Variants in ASAP1 observed in about 807,000 individuals in gnomAD.
ASAP1 encodes ArfGAP with SH3 domain, ankyrin repeat and PH domain 1.
ASAP1 carries 43 observed loss-of-function variants against 145.2 expected under a neutral mutation model. That is an observed-to-expected ratio of 0.30 (90% confidence interval 0.23 to 0.38). The LOEUF (loss-of-function observed/expected upper bound fraction) is 0.38, where lower values mean the gene tolerates loss of function less well. ASAP1 is among the 10% of genes least tolerant of loss of function. ASAP1 has a pLI of 1.00. For synonymous variants in ASAP1, 546 were observed against 515.5 expected (o/e 1.06, Z -0.80); for missense variants, 1,018 against 1,355.3 (o/e 0.75, Z 3.91).
At chr8:130,095,453 A>G (rs2097515498) in intron 24 of ASAP1, among the ~76,000 whole-genome samples, 1 of 151,272 alleles carries the variant, frequency 6.6e-6, no homozygotes. Flanking sequence ...GATGTGTGCC[A>G]CCACGTCTGG....
intron 12 of ASAP1, among the ~76,000 whole-genome samples, chr8:130,154,863 A>C (rs142457110): frequency 3.9e-5 from 6 of 152,318 alleles, no homozygotes; most frequent in African/African-American, 1.4e-4. Context: ...CTCAAATAAG[A>C]GCTAAATCAC....
chr8:130,431,115 G>T (rs1256854426), intron 1 of ASAP1, among the ~76,000 whole-genome samples: 1 of 152,082 alleles, frequency 6.6e-6, no homozygotes, highest in African/African-American at 2.4e-5. Context: ...CAGTGTCATG[G>T]CTCTCTCTCT....
chr8:130,287,610 C>T (rs1054968814), intron 3 of ASAP1, among the ~76,000 whole-genome samples: 1 of 152,130 alleles, frequency 6.6e-6, no homozygotes, highest in South Asian at 2.1e-4. Flanking sequence ...CCAAGGAAGG[C>T]GAGTTCTGTG....
chr8:130,180,980 T>C, intron 7 of ASAP1, 100 bp from the exon 8 acceptor site: 2 of 1,088,242 alleles, frequency 1.8e-6, no homozygotes, highest in Non-Finnish European at 2.6e-6. Flanking sequence ...GGGGTGACGA[T>C]GTGTCTATGT....
At chr8:130,344,880 G>T (rs1258012466) in intron 3 of ASAP1, among the ~76,000 whole-genome samples, 2 of 152,138 alleles carry the variant, frequency 1.3e-5, no homozygotes. Context: ...ATCTAATAAT[G>T]CAAAGTATCA....
At chr8:130,378,410 G>C (rs549825051) in intron 2 of ASAP1, among the ~76,000 whole-genome samples, 1 of 152,362 alleles carries the variant, frequency 6.6e-6, no homozygotes, top group East Asian at 1.9e-4. Context: ...GCTGCCTCCT[G>C]AAGGAGGTTA....
chr8:130,352,758 T>C (rs977255668), intron 3 of ASAP1, among the ~76,000 whole-genome samples: 1 of 152,202 alleles, frequency 6.6e-6, no homozygotes, highest in African/African-American at 2.4e-5. Flanking sequence ...TAATAGTATG[T>C]ATAGGGTTTG....
intron 1 of ASAP1, among the ~76,000 whole-genome samples, chr8:130,418,722 T>C (rs118060034): frequency 0.01 from 1,547 of 151,924 alleles, 16 homozygotes; most frequent in Non-Finnish European, 0.015. Flanking sequence ...CCTCTGTTTA[T>C]ATAGCTTTGC....
At position 130,119,308 on chromosome 8, in the gene ASAP1, C is replaced by T. The variant is rs73712879; in HGVS notation, c.1608-633G>A. Among the ~76,000 whole-genome samples, 660 of 152,256 alleles carry T rather than the reference C, an allele frequency of 4.3e-3. 9 individuals carry two copies. The highest frequency in any genetic ancestry group is 0.015 in the African/African-American group (639 of 41,534). On this transcript the variant is annotated intron_variant, in intron 18 of 29. Coordinates refer to ENST00000518721, the MANE Select transcript of ASAP1 (RefSeq NM_018482.4). ...AGAAAGGCTGTCACTGAAGCAACTC[C>T]CCCAGGCCAGGCATTGAGCTCCAAA...
chr8:130,342,989 T>C (rs1825480907), intron 3 of ASAP1, among the ~76,000 whole-genome samples: 1 of 152,314 alleles, frequency 6.6e-6, no homozygotes, highest in South Asian at 2.1e-4. Context: ...CTGTGAAAGA[T>C]ACTTACTAAG....
rs569550437 is a variant in ASAP1, at chr8:130,311,541, C to CG, written c.186+46475_186+46476insC. ...CTTTGGGAGGCCAAGGCGGGAGGAT[C>CG]ACCTGAGGTTGGAAGTTCGAGACAA... On this transcript the variant is annotated intron_variant, in intron 3 of 29. Coordinates refer to ENST00000518721, the MANE Select transcript of ASAP1 (RefSeq NM_018482.4). Among the ~76,000 whole-genome samples, 8 of 152,234 alleles carry CG rather than the reference C, an allele frequency of 5.3e-5. No individual in the cohort carries two copies. The South Asian group carries it at 1.5e-3, about 28-fold the overall frequency.
rs578189489 is a variant in ASAP1 at position 130,139,500 on chromosome 8, C to T, written c.1081-2462G>A. Among the ~76,000 whole-genome samples the T allele has an allele frequency of 6.6e-5, 10 of 152,188 alleles. No homozygotes were observed. In the East Asian group the frequency reaches 1.5e-3, roughly 24 times the overall value. On this transcript the variant is annotated intron_variant, in intron 13 of 29. Coordinates refer to ENST00000518721, the MANE Select transcript of ASAP1 (RefSeq NM_018482.4). ...CAGCACTTTGGGAGGCTGAGGCAGG[C>T]GGATCACCTGAGGCCTGGGGTTCAA...
intron 12 of ASAP1, among the ~76,000 whole-genome samples, 160 bp downstream of exon 12, chr8:130,159,704 G>T: frequency 6.6e-6 from 1 of 152,130 alleles, no homozygotes; most frequent in East Asian, 1.9e-4. Context: ...TTCTTCTAAA[G>T]AGAGCTGGTC....
chr8:130,086,057 C>T (rs1304806098), intron 25 of ASAP1, among the ~76,000 whole-genome samples: 1 of 152,252 alleles, frequency 6.6e-6, no homozygotes, highest in Non-Finnish European at 1.5e-5. Context: ...GCCAGCAGAG[C>T]TTGTGCTGCT....
chr8:130,060,498 G>T, intron 28 of ASAP1, 81 bp downstream of exon 28: 1 of 1,503,108 alleles, frequency 6.7e-7, no homozygotes, highest in Admixed American at 2.2e-5. Context: ...TTTTTCTTGT[G>T]TAAGTTGGAG....
chr8:130,140,761 CAG>C (rs2097608768), intron 13 of ASAP1, among the ~76,000 whole-genome samples: 1 of 152,126 alleles, frequency 6.6e-6, no homozygotes, highest in East Asian at 1.9e-4. Context: ...ACTGAGCTGC[CAG>C]TGAGGCACTT....
chr8:130,259,042 G>A (rs1185142700), intron 3 of ASAP1, among the ~76,000 whole-genome samples: 12 of 151,962 alleles, frequency 7.9e-5, no homozygotes, highest in Admixed American at 7.2e-4. Flanking sequence ...GATGGCTGGG[G>A]GTAAGAAGAG....
intron 7 of ASAP1, among the ~76,000 whole-genome samples, chr8:130,181,697 A>C (rs1252314305): frequency 6.6e-6 from 1 of 152,200 alleles, no homozygotes; most frequent in African/African-American, 2.4e-5. Context: ...CGAGGTGATA[A>C]AGAAGAAAGG....
intron 3 of ASAP1, among the ~76,000 whole-genome samples, chr8:130,312,505 G>T (rs972721401): frequency 1.3e-5 from 2 of 152,102 alleles, no homozygotes; most frequent in Non-Finnish European, 2.9e-5. Context: ...GCAACCCGTA[G>T]CAACTCCAGG....
Sources: allele counts gnomAD v4.1 joint callset (sites outside exome capture counted in the v4.1 genomes callset), GRCh38; gene constraint gnomAD v4.1.1; transcripts MANE v1.5; gene names NCBI Gene and HGNC (gene_info 2026-07-23, HGNC 2026-07-21).